PIK3CG: variants seen among roughly 807,000 people sequenced by gnomAD.
PIK3CG encodes phosphatidylinositol 4,5-bisphosphate 3-kinase catalytic subunit gamma isoform.
In PIK3CG, 55 loss-of-function variants were observed where a neutral mutation model predicts 102.3. The ratio of observed to expected loss-of-function variants is 0.54; its 90% CI spans 0.43 to 0.67. PIK3CG has a LOEUF of 0.67. Among genes scored for constraint, PIK3CG ranks in the 30% least tolerant of loss-of-function variants. PIK3CG has a pLI of 0.00. For missense variants in PIK3CG, 1,258 were observed against 1,391.8 expected (o/e 0.90, Z 1.53); for synonymous variants, 552 against 540.0 (o/e 1.02, Z -0.31).
chr7:106,888,493 C>A (rs560372414), intron 10 of PIK3CG, among the ~76,000 whole-genome samples: 4 of 152,332 alleles, frequency 2.6e-5, no homozygotes, highest in African/African-American at 9.6e-5. Context: ...GCATCTTCCA[C>A]CCAAAGCAAC....
At chr7:106,904,749 T>G (rs548447803) in intron 10 of PIK3CG, among the ~76,000 whole-genome samples, 10 of 152,344 alleles carry the variant, frequency 6.6e-5, no homozygotes, top group African/African-American at 2.4e-4. Flanking sequence ...ACATAAAGTT[T>G]ATTGATTCCA....
rs28763990 is a variant in PIK3CG, at chr7:106,869,738, C to T, written c.1995+182C>T. On this transcript the variant is annotated intron_variant, in intron 2 of 10. Transcript: ENST00000496166. The surrounding 1 kb of genome is among the most constrained non-coding windows in gnomAD (Gnocchi z 5.3). ...TGTTCCATGTACATTTTTACTGTCT[C>T]GGAGGGTTTGCTGACAAGGGTTTTG... 9.7e-3 allele frequency among the ~76,000 whole-genome samples: 1,470 copies of T among 152,160 alleles called. 22 individuals carry two copies. The highest frequency in any genetic ancestry group is 0.043 in the South Asian group (207 of 4,810).
In PIK3CG at chr7:106,894,352, A is replaced by C. The variant is rs1322522450; in HGVS notation, c.3030+8060A>C. Among the ~76,000 whole-genome samples the C allele has an allele frequency of 2.0e-5, 3 of 152,198 alleles. No individual in the cohort carries two copies. The highest frequency in any genetic ancestry group is 4.4e-5 in the Non-Finnish European group (3 of 68,038). On this transcript the variant is annotated intron_variant, in intron 10 of 10. Coordinates refer to ENST00000496166, the MANE Select transcript of PIK3CG (RefSeq NM_001282426.2). The surrounding 1 kb of genome is among the most constrained non-coding windows in gnomAD (Gnocchi z 4.4). Reference sequence around the variant, plus strand: ...GCATTTAGGTTTCTAATGTGCTTCTAGCTAAATATTCGAGAAGATGACAGT... The same window carrying C: ...GCATTTAGGTTTCTAATGTGCTTCTCGCTAAATATTCGAGAAGATGACAGT...
At chr7:106,866,871 A>T (rs776207503) in intron 1 of PIK3CG, among the ~76,000 whole-genome samples, 1 of 152,246 alleles carries the variant, frequency 6.6e-6, no homozygotes, top group African/African-American at 2.4e-5. Flanking sequence ...ACCAAGAGGC[A>T]GGAAATTTAT....
In PIK3CG at chr7:106,886,131, T is replaced by C. The variant is rs2116560216; in HGVS notation, c.2873-4T>C. 1 of 1,613,524 alleles carries C rather than the reference T, an allele frequency of 6.2e-7. No individual in the cohort carries two copies. The highest frequency in any genetic ancestry group is 8.5e-7 in the Non-Finnish European group (1 of 1,179,580). ...AATGATGTCAGATACTTTCTTCTCTTAAGGAAACCTATTTCATATTGACTT... is the reference window on the plus strand; with the variant it reads ...AATGATGTCAGATACTTTCTTCTCTCAAGGAAACCTATTTCATATTGACTT... On this transcript the variant is annotated splice_polypyrimidine_tract_variant and splice_region_variant and intron_variant, in intron 9 of 10. Transcript: ENST00000496166.
In PIK3CG at chr7:106,868,550, C is replaced by T. The variant is rs62001906; in HGVS notation, c.989C>T (p.Thr330Met). Residue 330 changes from threonine to methionine, a missense_variant, in exon 2 of 11, where the codon ACG becomes ATG. This residue lies in a region of PIK3CG where 832 missense variants were observed against 787.5 expected (regional missense o/e 1.06). Transcript: ENST00000496166. The surrounding 1 kb of genome is among the most constrained non-coding windows in gnomAD (Gnocchi z 6.2). ...KEEWPLVDDCTGVTGYHEQLT... is the reference protein window; with the variant it reads ...KEEWPLVDDCMGVTGYHEQLT... ...GAGTGGCCACTGGTGGATGACTGCA[C>T]GGGAGTCACCGGCTACCATGAGCAG... 1,717 of 1,614,044 alleles carry T rather than the reference C, an allele frequency of 1.1e-3. 13 individuals carry two copies. The African/African-American group carries it at 0.019, about 17-fold the overall frequency.
chr7:106,898,859 C>CT (rs1791474850), intron 10 of PIK3CG, among the ~76,000 whole-genome samples: 1 of 152,046 alleles, frequency 6.6e-6, no homozygotes, highest in South Asian at 2.1e-4. Flanking sequence ...TATTTGGGCT[C>CT]TTTTTTGGTT....
intron 2 of PIK3CG, among the ~76,000 whole-genome samples, chr7:106,870,324 T>G (rs1790489854): frequency 6.6e-6 from 1 of 152,170 alleles, no homozygotes; most frequent in Non-Finnish European, 1.5e-5. Context: ...TTTTCTAAGG[T>G]TTAGTTAAGA....
rs1467868086 is a variant in PIK3CG at position 106,906,434 on chromosome 7, GAAC to G, written c.*1049_*1051del. 1.5e-4 allele frequency: 35 copies of G among 228,632 alleles called. No individual in the cohort carries two copies. The Admixed American group carries it at 2.0e-3, about 13-fold the overall frequency. The allele number at this position is 228,632 out of a possible 1,614,324, so 14.2% of individuals were successfully genotyped here. ...ATGCCTTAATTTTAAACTTTGGCCT[GAAC>G]AGTTTTTTCTTTTTCTTAATGGAAG... On this transcript the variant is annotated 3_prime_UTR_variant, in exon 11 of 11. Coordinates refer to ENST00000496166, the MANE Select transcript of PIK3CG (RefSeq NM_001282426.2).
In PIK3CG at chr7:106,869,668, T is replaced by C. The variant is rs960622238; in HGVS notation, c.1995+112T>C. 3 of 859,432 alleles carry C rather than the reference T, an allele frequency of 3.5e-6. No individual in the cohort carries two copies. Among genetic ancestry groups the C allele is most frequent in the South Asian group, 3.7e-5 (2 of 53,800 alleles). 53.2% of individuals were successfully genotyped at this position (859,432 alleles called of 1,614,324 possible). On this transcript the variant is annotated intron_variant, in intron 2 of 10. Transcript: ENST00000496166. This position sits in a 1 kb window ranked among gnomAD's most constrained non-coding sequence, Gnocchi z 5.3. ...ATGCCCTTTGTTCAGAGCTTCATCA[T>C]CGGCAAAAGTAGATATGATGAAGCT... is the stretch of plus-strand genomic sequence containing the variant.
At chr7:106,878,331 G>A (rs1445074428) in intron 5 of PIK3CG, among the ~76,000 whole-genome samples, 1 of 152,072 alleles carries the variant, frequency 6.6e-6, no homozygotes, top group Non-Finnish European at 1.5e-5. Flanking sequence ...GATGTACCCT[G>A]GTATGGGTTT....
chr7:106,877,996 C>T lies in PIK3CG; in HGVS notation c.2392-1523C>T, dbSNP rs1284933167. ...TTTAACTATTCACCTACATATTTACCATTTTTGGTACTCTTTATTGCCTTA... is the reference window on the plus strand; with the variant it reads ...TTTAACTATTCACCTACATATTTACTATTTTTGGTACTCTTTATTGCCTTA... On this transcript the variant is annotated intron_variant, in intron 5 of 10. Transcript: ENST00000496166. The surrounding 1 kb of genome is among the most constrained non-coding windows in gnomAD (Gnocchi z 4.5). Among the ~76,000 whole-genome samples the T allele has an allele frequency of 1.3e-5, 2 of 152,108 alleles. No homozygotes were observed. Among genetic ancestry groups the T allele is most frequent in the Non-Finnish European group, 2.9e-5 (2 of 68,028 alleles).
rs1324427968 is a variant in PIK3CG, at chr7:106,902,644, GT to G, written c.3031-2460del. On this transcript the variant is annotated intron_variant, in intron 10 of 10. Coordinates refer to ENST00000496166, the MANE Select transcript of PIK3CG (RefSeq NM_001282426.2). This position sits in a 1 kb window ranked among gnomAD's most constrained non-coding sequence, Gnocchi z 4.3. The stretch of plus-strand genomic sequence containing the variant: ...TTGCATTTTTTTTGTAGGTTTATCT[GT>G]TTTTATGTCTTACAGTGTGAATTTT... 6.7e-6 allele frequency among the ~76,000 whole-genome samples: 1 copy of G among 150,152 alleles called. No individual in the cohort carries two copies. The highest frequency in any genetic ancestry group is 1.5e-5 in the Non-Finnish European group (1 of 67,572).
rs1013161691 is a variant in PIK3CG at position 106,874,415 on chromosome 7, T to G, written c.2288-285T>G. 2.0e-5 allele frequency among the ~76,000 whole-genome samples: 3 copies of G among 152,266 alleles called. No individual in the cohort carries two copies. Among genetic ancestry groups the G allele is most frequent in the Non-Finnish European group, 4.4e-5 (3 of 68,050 alleles). The stretch of plus-strand genomic sequence containing the variant: ...GCATCACCCTCAGAGCATACTTCTC[T>G]ACTTGGATTGTGTTGGTGTCTATGT... On this transcript the variant is annotated intron_variant, in intron 4 of 10. Transcript: ENST00000496166. This position sits in a 1 kb window ranked among gnomAD's most constrained non-coding sequence, Gnocchi z 4.3.
Position 106,874,021 on chromosome 7 carries a change from A to G in PIK3CG, c.2288-679A>G, listed in dbSNP as rs1280440527. ...ATTACATAGACACTTCATGTACTCA[A>G]CCAGTATTTTAAACTCCTGAATATT... On this transcript the variant is annotated intron_variant, in intron 4 of 10. Transcript: ENST00000496166. The surrounding 1 kb of genome is among the most constrained non-coding windows in gnomAD (Gnocchi z 4.3). Among the ~76,000 whole-genome samples, 1 of 152,110 alleles carries G rather than the reference A, an allele frequency of 6.6e-6. No homozygotes were observed. Among genetic ancestry groups the G allele is most frequent in the East Asian group, 1.9e-4 (1 of 5,186 alleles).
At chr7:106,882,770 T>C (rs1450000777) in intron 7 of PIK3CG, 1 of 327,270 alleles carries the variant, frequency 3.1e-6, no homozygotes, top group East Asian at 4.9e-5. Flanking sequence ...TAAATGCTTT[T>C]ATTTATTACT....
chr7:106,905,106 C>A lies in PIK3CG; in HGVS notation c.3031-3C>A, dbSNP rs2116616807. 6.2e-7 allele frequency: 1 copy of A among 1,611,324 alleles called. No homozygotes were observed. ...TAACAGCATTTTCTTCTTCTTTATCCAGGACATCTGTGTTAAGGCTTATCT... is the reference window on the plus strand; with the variant it reads ...TAACAGCATTTTCTTCTTCTTTATCAAGGACATCTGTGTTAAGGCTTATCT... On this transcript the variant is annotated splice_region_variant and splice_polypyrimidine_tract_variant and intron_variant, in intron 10 of 10. Transcript: ENST00000496166. The surrounding 1 kb of genome is among the most constrained non-coding windows in gnomAD (Gnocchi z 5.6).
Position 106,883,479 on chromosome 7 carries a change from C to G in PIK3CG, c.2760+316C>G, listed in dbSNP as rs1791001314. On this transcript the variant is annotated intron_variant, in intron 8 of 10. Transcript: ENST00000496166. The surrounding 1 kb of genome is among the most constrained non-coding windows in gnomAD (Gnocchi z 5.8). ...ATGGCTATCTATTTTTGTTGTTCAG[C>G]CAAGATATTTAGTTACCATGTATAA... Among the ~76,000 whole-genome samples the G allele has an allele frequency of 6.6e-6, 1 of 152,124 alleles. No individual in the cohort carries two copies. The highest frequency in any genetic ancestry group is 6.5e-5 in the Admixed American group (1 of 15,276).
chr7:106,869,428 G>A lies in PIK3CG; in HGVS notation c.1867G>A (p.Asp623Asn), dbSNP rs375751703. The A allele has an allele frequency of 3.0e-5, 49 of 1,614,130 alleles. No individual in the cohort carries two copies. In the African/African-American group the frequency reaches 6.1e-4, roughly 20 times the overall value. ...GGAAGTCTGGGATCAAAGTGCTTTG[G>A]ATGTTGGGTTAACAATGCAGCTCCT... ...RREVWDQSALDVGLTMQLLDC... is the reference protein window; with the variant it reads ...RREVWDQSALNVGLTMQLLDC... Residue 623 changes from aspartate to asparagine, a missense_variant, in exon 2 of 11, where the codon GAT becomes AAT. Physicochemically the swap from Asp to Asn is conservative, Grantham distance 23 (BLOSUM62 1). Coordinates refer to ENST00000496166, the MANE Select transcript of PIK3CG (RefSeq NM_001282426.2). This position sits in a 1 kb window ranked among gnomAD's most constrained non-coding sequence, Gnocchi z 5.3.
Sources: allele counts gnomAD v4.1 joint callset (sites outside exome capture counted in the v4.1 genomes callset), GRCh38; gene constraint gnomAD v4.1.1; regional missense constraint gnomAD v4.1.1; non-coding constraint Gnocchi (gnomAD v3.1); transcripts MANE v1.5; gene names NCBI Gene and HGNC (gene_info 2026-07-23, HGNC 2026-07-21).